Variants in SGCZ observed in about 807,000 individuals in gnomAD.
SGCZ encodes the protein zeta-sarcoglycan.
SGCZ carries 40 observed loss-of-function variants against 41.3 expected under a neutral mutation model. The observed-to-expected ratio is 0.97, with a 90% CI of 0.75 to 1.26. SGCZ has a LOEUF of 1.26. Ranked by LOEUF, SGCZ falls within the 50% of genes most tolerant of loss-of-function variation. The pLI is 0.00. For missense variants in SGCZ, 552 were observed against 369.8 expected, an observed-to-expected ratio of 1.49 and a Z score of -4.04; for synonymous variants, 206 against 137.5, an observed-to-expected ratio of 1.50 and a Z score of -3.49.
chr8:14,276,946 C>T (rs57437378), intron 3 of SGCZ, among the ~76,000 whole-genome samples: 32,978 of 152,112 alleles, frequency 0.22, 3,773 homozygotes, highest in East Asian at 0.3. Context: ...TATTTAAACC[C>T]CCACAAATTA....
chr8:14,527,183 G>C (rs1202794571), intron 2 of SGCZ, among the ~76,000 whole-genome samples: 1 of 152,142 alleles, frequency 6.6e-6, no homozygotes, highest in Non-Finnish European at 1.5e-5. Context: ...GACTAGAAAA[G>C]AAAGTATTAA....
chr8:14,922,817 A>G (rs1335952234), intron 1 of SGCZ, among the ~76,000 whole-genome samples: 3 of 152,208 alleles, frequency 2.0e-5, no homozygotes, highest in Non-Finnish European at 4.4e-5. Context: ...AAATGTTACC[A>G]TAAAAGGAAG....
At chr8:14,303,466 G>C (rs1190332877) in intron 3 of SGCZ, among the ~76,000 whole-genome samples, 1 of 152,080 alleles carries the variant, frequency 6.6e-6, no homozygotes, top group African/African-American at 2.4e-5. Flanking sequence ...ACACACAAGA[G>C]TTAGATGTTC....
intron 1 of SGCZ, among the ~76,000 whole-genome samples, chr8:14,792,368 G>T (rs552925134): frequency 6.6e-6 from 1 of 151,918 alleles, no homozygotes; most frequent in Non-Finnish European, 1.5e-5. Context: ...TCTTTATCAA[G>T]TCCCCTTTTG....
At chr8:14,402,262 T>A (rs1799098696) in intron 2 of SGCZ, among the ~76,000 whole-genome samples, 2 of 151,480 alleles carry the variant, frequency 1.3e-5, no homozygotes, top group African/African-American at 4.9e-5. Flanking sequence ...GATGGTAGTT[T>A]CTTTTGCTGT....
At chr8:14,400,783 A>C (rs1245902574) in intron 2 of SGCZ, among the ~76,000 whole-genome samples, 1 of 152,168 alleles carries the variant, frequency 6.6e-6, no homozygotes, top group Non-Finnish European at 1.5e-5. Flanking sequence ...GAAAAGTAAA[A>C]TATATGCACA....
chr8:15,172,131 GA>G (rs1414313909), intron 1 of SGCZ, among the ~76,000 whole-genome samples: 5 of 121,296 alleles, frequency 4.1e-5, no homozygotes, highest in Non-Finnish European at 8.7e-5. Flanking sequence ...TAGTTTAAAG[GA>G]AAAAAATGCC....
intron 2 of SGCZ, among the ~76,000 whole-genome samples, chr8:14,424,244 A>G (rs1380191464): frequency 6.6e-6 from 1 of 152,156 alleles, no homozygotes; most frequent in Admixed American, 6.6e-5. Flanking sequence ...TAATTTATGA[A>G]CAGGCTTCTC....
At chr8:14,855,019 T>C (rs1273106024) in intron 1 of SGCZ, among the ~76,000 whole-genome samples, 1 of 151,408 alleles carries the variant, frequency 6.6e-6, no homozygotes, top group Admixed American at 6.6e-5. Flanking sequence ...GATCTAACTT[T>C]GATGCAACTT....
intron 7 of SGCZ, among the ~76,000 whole-genome samples, chr8:14,096,888 G>A (rs1585129872): frequency 6.6e-6 from 1 of 152,092 alleles, no homozygotes; most frequent in South Asian, 2.1e-4. Context: ...TAATTTATTT[G>A]TTTAGAGGTG....
intron 1 of SGCZ, among the ~76,000 whole-genome samples, chr8:14,833,705 T>C (rs890029173): frequency 1.3e-5 from 2 of 152,086 alleles, no homozygotes; most frequent in Non-Finnish European, 2.9e-5. Context: ...TTTTCTGCTA[T>C]AGGAAGAAGC....
At chr8:15,035,165 C>T (rs1401925960) in intron 1 of SGCZ, among the ~76,000 whole-genome samples, 1 of 151,930 alleles carries the variant, frequency 6.6e-6, no homozygotes, top group East Asian at 1.9e-4. Context: ...AGGGGAAACA[C>T]AATATAAAGA....
intron 2 of SGCZ, among the ~76,000 whole-genome samples, chr8:14,400,152 T>A (rs1313623346): frequency 6.6e-6 from 1 of 152,158 alleles, no homozygotes; most frequent in Non-Finnish European, 1.5e-5. Flanking sequence ...TTCACTTGGC[T>A]ATTGTTTCCA....
At chr8:15,156,057 C>CAAAAAAAAAAAAAA (rs67378130) in intron 1 of SGCZ, among the ~76,000 whole-genome samples, 4 of 110,894 alleles carry the variant, frequency 3.6e-5, no homozygotes, top group African/African-American at 1.1e-4. Flanking sequence ...GATTCCCTCT[C>CAAAAAAAAAAAAAA]AAAAAAAAAA....
intron 2 of SGCZ, among the ~76,000 whole-genome samples, chr8:14,422,946 T>C (rs1046191033): frequency 1.3e-5 from 2 of 152,116 alleles, no homozygotes; most frequent in African/African-American, 2.4e-5. Flanking sequence ...GAGAATGGTT[T>C]AAACTGAGCA....
chr8:14,656,080 A>G (rs1169736267), intron 1 of SGCZ, among the ~76,000 whole-genome samples: 1 of 152,046 alleles, frequency 6.6e-6, no homozygotes, highest in African/African-American at 2.4e-5. Context: ...TACAGGTTTT[A>G]TATGAACGTT....
intron 1 of SGCZ, among the ~76,000 whole-genome samples, chr8:14,751,524 T>C (rs1799496934): frequency 6.6e-6 from 1 of 152,188 alleles, no homozygotes; most frequent in Admixed American, 6.5e-5. Flanking sequence ...ATATAATATA[T>C]ACAACATTTA....
At chr8:14,831,888 A>G (rs1395929078) in intron 1 of SGCZ, among the ~76,000 whole-genome samples, 3 of 145,276 alleles carry the variant, frequency 2.1e-5, no homozygotes, top group South Asian at 4.4e-4. Context: ...ATATACTTGT[A>G]TATATATGTT....
At chr8:14,578,469 C>T (rs1804785415) in intron 1 of SGCZ, among the ~76,000 whole-genome samples, 1 of 152,098 alleles carries the variant, frequency 6.6e-6, no homozygotes, top group Non-Finnish European at 1.5e-5. Context: ...TTTCTGTGAC[C>T]ACATGACTAA....
Sources: allele counts gnomAD v4.1 joint callset (sites outside exome capture counted in the v4.1 genomes callset), GRCh38; gene constraint gnomAD v4.1.1; transcripts MANE v1.5; gene names NCBI Gene and HGNC (gene_info 2026-07-23, HGNC 2026-07-21).